The following POLR1A variants were observed in gnomAD, a reference collection of about 807,000 sequenced individuals.
The protein encoded by POLR1A is DNA-directed RNA polymerase I subunit RPA1.
Under a neutral mutation model 205.3 loss-of-function variants are expected in POLR1A, and 84 were observed. The ratio of observed to expected loss-of-function variants is 0.41; its 90% CI spans 0.34 to 0.49. POLR1A has a LOEUF of 0.49. Among genes scored for constraint, POLR1A ranks in the 20% least tolerant of loss-of-function variants. The pLI is 0.22. For missense variants in POLR1A, 1,645 were observed against 2,204.5 expected (o/e 0.75, Z 5.08); for synonymous variants, 799 against 863.7 (o/e 0.93, Z 1.31).
chr2:86,054,832 C>T (rs1672869223), intron 14 of POLR1A, among the ~76,000 whole-genome samples: 1 of 152,204 alleles, frequency 6.6e-6, no homozygotes, highest in Non-Finnish European at 1.5e-5. Context: ...ACAGCTTTAT[C>T]TGGAGATAAC....
chr2:86,089,755 A>T lies in POLR1A; in HGVS notation c.540+67T>A, dbSNP rs544980584. On this transcript the variant is annotated intron_variant, in intron 4 of 33. Transcript: ENST00000263857. ...GGGAAGCCAGAAGTATATGCAAAGGACAACACAGAGGGAAAGTGATAAAAT... is the reference window on the plus strand; with the variant it reads ...GGGAAGCCAGAAGTATATGCAAAGGTCAACACAGAGGGAAAGTGATAAAAT... 8.2e-5 allele frequency: 82 copies of T among 999,352 alleles called. 1 individual carries two copies. The East Asian group carries it at 1.9e-3, about 23-fold the overall frequency. 61.9% of individuals were successfully genotyped at this position (999,352 alleles called of 1,614,324 possible).
chr2:86,056,616 C>A (rs1672903410), intron 14 of POLR1A, among the ~76,000 whole-genome samples: 1 of 152,284 alleles, frequency 6.6e-6, no homozygotes, highest in South Asian at 2.1e-4. Flanking sequence ...AGAAGTCTGG[C>A]TTCACAGCTT....
chr2:86,030,365 T>A lies in POLR1A; in HGVS notation c.4610A>T (p.Asn1537Ile), dbSNP rs772323121. Residue 1537 changes from asparagine to isoleucine, a missense_variant, in exon 31 of 34, where the codon AAC becomes ATC. Physicochemically the swap from Asn to Ile is moderately radical, Grantham distance 149. Around this residue, in one of 16 missense-constraint regions of POLR1A, gnomAD observed 394 missense variants for 468.5 expected, o/e 0.84. Transcript: ENST00000263857. ...TACTACCAGGGAGCTCATGTCAAAG[T>A]TGATCTTCATCAGAGGGAGCTTCAC... is the stretch of plus-strand genomic sequence containing the variant. ...VTVKLPLMKI[N>I]FDMSSLVVSL... 1.2e-6 allele frequency: 2 copies of A among 1,614,088 alleles called. No individual in the cohort carries two copies. Among genetic ancestry groups the A allele is most frequent in the East Asian group, 2.2e-5 (1 of 44,876 alleles).
At chr2:86,081,520 C>T (rs559303740) in intron 8 of POLR1A, 81 bp downstream of exon 8, 480 of 864,078 alleles carry the variant, frequency 5.6e-4, no homozygotes, top group Non-Finnish European at 7.7e-4. Flanking sequence ...GCCCTTGGCC[C>T]TTTCACCTCT....
At chr2:86,083,303 G>A in intron 6 of POLR1A, 135 bp from the exon 7 acceptor site, 1 of 667,142 alleles carries the variant, frequency 1.5e-6, no homozygotes, top group Non-Finnish European at 2.7e-6. Context: ...CATATTATCA[G>A]GCCTGGATTC....
rs548777142 is a variant in POLR1A, at chr2:86,065,333, G to A, written c.1999C>T (p.Arg667Cys). 4.8e-5 allele frequency: 78 copies of A among 1,614,076 alleles called. No homozygotes were observed. Among genetic ancestry groups the A allele is most frequent in the East Asian group, 4.7e-4 (21 of 44,878 alleles). The stretch of plus-strand genomic sequence containing the variant: ...ATGGAAGGAGAAAGGAGCTTCACGC[G>A]CCCCACTTTGTCCGTGAGTCCTCGG... ...VYRGLTDKVG[R>C]VKLLSPSILK... Residue 667 changes from arginine (R) to cysteine (C), a missense_variant, in exon 14 of 34, where the codon CGC (arginine) becomes TGC (cysteine). By Grantham distance (180) the Arg-to-Cys change is radical (BLOSUM62 -3). Coordinates refer to ENST00000263857, the MANE Select transcript of POLR1A (RefSeq NM_015425.6).
chr2:86,041,092 A>G (rs1558765277), intron 24 of POLR1A, among the ~76,000 whole-genome samples: 1 of 150,996 alleles, frequency 6.6e-6, no homozygotes, highest in Non-Finnish European at 1.5e-5. Flanking sequence ...TTTACTAACC[A>G]TTTTTCCTAT....
chr2:86,034,518 C>T (rs1483210974), intron 27 of POLR1A, among the ~76,000 whole-genome samples: 1 of 152,214 alleles, frequency 6.6e-6, no homozygotes, highest in South Asian at 2.1e-4. Context: ...CCTCCAGAGC[C>T]ATCTATTTTT....
chr2:86,051,729 C>A (rs1012450613), intron 16 of POLR1A, among the ~76,000 whole-genome samples: 1 of 152,268 alleles, frequency 6.6e-6, no homozygotes, highest in Non-Finnish European at 1.5e-5. Flanking sequence ...GATCTGATCT[C>A]AAGCCCACAC....
At chr2:86,099,908 G>A in intron 2 of POLR1A, 60 bp downstream of exon 2, 2 of 1,371,704 alleles carry the variant, frequency 1.5e-6, no homozygotes, top group South Asian at 2.3e-5. Flanking sequence ...GTGGGAGAGA[G>A]GCAGCACTCA....
chr2:86,033,492 G>A (rs986991044), intron 28 of POLR1A, among the ~76,000 whole-genome samples, 169 bp downstream of exon 28: 1 of 152,264 alleles, frequency 6.6e-6, no homozygotes, highest in African/African-American at 2.4e-5. Context: ...ATCAGGCCAA[G>A]AAGTGAATGC....
rs3770077 is a variant in POLR1A at position 86,072,772 on chromosome 2, T to C, written c.1611+2258A>G. ...GATGGGGCAGAGCTTTCATACTTCA[T>C]AGAGGAAATGGGTCCTTTTGGCCTT... is the stretch of plus-strand genomic sequence containing the variant. On this transcript the variant is annotated intron_variant, in intron 12 of 33. Transcript: ENST00000263857. Among the ~76,000 whole-genome samples, 88 of 152,324 alleles carry C rather than the reference T, an allele frequency of 5.8e-4. 1 individual carries two copies. In the East Asian group the frequency reaches 0.014, roughly 24 times the overall value.
In POLR1A at chr2:86,021,202, T is replaced by C. The variant is rs12622009; in HGVS notation, c.*6221A>G. 25,180 of 152,290 alleles carry C rather than the reference T, an allele frequency of 0.17. 4,785 individuals are homozygous for C. The highest frequency in any genetic ancestry group is 0.46 in the African/African-American group (18,994 of 41,532). The allele number at this position is 152,290 out of a possible 1,614,324, so 9.4% of individuals were successfully genotyped here. A position where few individuals can be genotyped will look rare whatever the true frequency, so the allele number is the denominator to read the frequency against. ...TCTGAAACTTTGTCACATGGGAGGC[T>C]ACAGGCCCGGGGCTGGCTTGGCTCC... On this transcript the variant is annotated 3_prime_UTR_variant, in exon 34 of 34. Coordinates refer to ENST00000263857, the MANE Select transcript of POLR1A (RefSeq NM_015425.6).
chr2:86,043,474 A>G (rs967054234), intron 22 of POLR1A, among the ~76,000 whole-genome samples: 7 of 152,168 alleles, frequency 4.6e-5, no homozygotes, highest in South Asian at 2.1e-4. Context: ...CAGGAGCACA[A>G]GGGAGTTTCT....
At chr2:86,081,242 A>G (rs1273114511) in intron 8 of POLR1A, among the ~76,000 whole-genome samples, 1 of 152,160 alleles carries the variant, frequency 6.6e-6, no homozygotes, top group East Asian at 1.9e-4. Flanking sequence ...TGTAAAATAC[A>G]AAAATTATTT....
intron 6 of POLR1A, among the ~76,000 whole-genome samples, chr2:86,086,008 C>A (rs1378192321): frequency 1.3e-5 from 2 of 152,064 alleles, no homozygotes; most frequent in African/African-American, 2.4e-5. Flanking sequence ...AAGCTGACAG[C>A]GCTCCTTGTG....
chr2:86,100,098 T>C lies in POLR1A; in HGVS notation c.152A>G (p.Tyr51Cys), dbSNP rs759310025. ...ATCTGCAGGGCCCAAAGCTAAATCG[T>C]ACAGGCCGTTTGCCGATGGGTTCCC... ...SLGNPSANGL[Y>C]DLALGPADSK... The change falls in exon 2 of 34, where the codon TAC (tyrosine) becomes TGC (cysteine). Residue 51 changes from tyrosine to cysteine, a missense_variant. By Grantham distance (194) the Tyr-to-Cys change is radical. Around this residue, in one of 16 missense-constraint regions of POLR1A, gnomAD observed 330 missense variants for 375.6 expected, o/e 0.88. Transcript: ENST00000263857. 5 of 1,614,048 alleles carry C rather than the reference T, an allele frequency of 3.1e-6. No homozygotes were observed. Among genetic ancestry groups the C allele is most frequent in the Non-Finnish European group, 4.2e-6 (5 of 1,180,026 alleles).
At chr2:86,062,780 T>C (rs1673019946) in intron 14 of POLR1A, among the ~76,000 whole-genome samples, 1 of 151,818 alleles carries the variant, frequency 6.6e-6, no homozygotes, top group Middle Eastern at 3.2e-3. Flanking sequence ...ATAAAACTGA[T>C]AAACCTCTAG....
chr2:86,068,768 C>T (rs1260347236), intron 13 of POLR1A, among the ~76,000 whole-genome samples: 1 of 152,356 alleles, frequency 6.6e-6, no homozygotes, highest in African/African-American at 2.4e-5. Flanking sequence ...CTCAAACAAC[C>T]GGGACCCTTG....
Sources: allele counts gnomAD v4.1 joint callset (sites outside exome capture counted in the v4.1 genomes callset), GRCh38; gene constraint gnomAD v4.1.1; regional missense constraint gnomAD v4.1.1; transcripts MANE v1.5; gene names NCBI Gene and HGNC (gene_info 2026-07-23, HGNC 2026-07-21).